PTPRT: variants seen among roughly 807,000 people sequenced by gnomAD.
PTPRT encodes protein tyrosine phosphatase receptor type T.
Under a neutral mutation model 176.8 loss-of-function variants are expected in PTPRT, and 56 were observed. The ratio of observed to expected loss-of-function variants is 0.32; its 90% CI spans 0.26 to 0.40. The LOEUF is 0.40. Ranked by LOEUF, PTPRT falls within the 10% of genes least tolerant of loss-of-function variation. The pLI is 1.00. For missense variants in PTPRT, 1,540 were observed against 1,908.2 expected, an observed-to-expected ratio of 0.81 and a Z score of 3.60; for synonymous variants, 783 against 739.0, an observed-to-expected ratio of 1.06 and a Z score of -0.96.
rs1982489151 is a variant in PTPRT, at chr20:42,073,524, T to A, written c.*7355A>T. 1 of 214,486 alleles carries A rather than the reference T, an allele frequency of 4.7e-6. No homozygotes were observed. Among genetic ancestry groups the A allele is most frequent in the African/African-American group, 2.2e-5 (1 of 44,454 alleles). 13.3% of individuals were successfully genotyped at this position (214,486 alleles called of 1,614,324 possible). On this transcript the variant is annotated 3_prime_UTR_variant, in exon 31 of 31. Coordinates refer to ENST00000373187, the MANE Select transcript of PTPRT (RefSeq NM_007050.6). ...GAAAAGCCCTGCTCTGTGTCCTACT[T>A]GGACCTTCACTGGTTCTGGCTGTCA...
At chr20:42,037,329 CT>C in the PTPRT span, among the ~76,000 whole-genome samples, 1 of 152,160 alleles carries the variant, frequency 6.6e-6, no homozygotes, top group African/African-American at 2.4e-5. Flanking sequence ...TGGAAGTTCC[CT>C]CTAGGCCCTT....
chr20:42,981,157 C>T (rs2146086176), intron 1 of PTPRT, among the ~76,000 whole-genome samples: 1 of 152,332 alleles, frequency 6.6e-6, no homozygotes, highest in East Asian at 1.9e-4. Flanking sequence ...ATAATATCTT[C>T]CTTGCCTGAT....
chr20:42,646,162 T>A (rs1262478083), intron 7 of PTPRT, among the ~76,000 whole-genome samples: 1 of 130,252 alleles, frequency 7.7e-6, no homozygotes, highest in Non-Finnish European at 1.6e-5. Context: ...GGCAATGCCC[T>A]CAACTGGTAG....
At chr20:42,502,684 A>G (rs2145421704) in intron 7 of PTPRT, among the ~76,000 whole-genome samples, 1 of 152,186 alleles carries the variant, frequency 6.6e-6, no homozygotes, top group South Asian at 2.1e-4. Flanking sequence ...CAATTTACTC[A>G]TCAATTCTCC....
At chr20:42,587,435 C>T (rs1291799505) in intron 7 of PTPRT, among the ~76,000 whole-genome samples, 2 of 152,212 alleles carry the variant, frequency 1.3e-5, no homozygotes, top group Non-Finnish European at 2.9e-5. Context: ...TATCTTGACC[C>T]AAGGCAGAGC....
intron 7 of PTPRT, among the ~76,000 whole-genome samples, chr20:42,612,286 G>A (rs140269981): frequency 2.6e-5 from 4 of 152,244 alleles, no homozygotes; most frequent in South Asian, 2.1e-4. Context: ...CACATCCACC[G>A]AGCTTTTCAT....
At chr20:42,896,798 C>T (rs1297116160) in intron 1 of PTPRT, among the ~76,000 whole-genome samples, 1 of 152,064 alleles carries the variant, frequency 6.6e-6, no homozygotes, top group Non-Finnish European at 1.5e-5. Flanking sequence ...CCTCAACCCC[C>T]AAATCATGGA....
intron 6 of PTPRT, among the ~76,000 whole-genome samples, chr20:42,683,271 T>TTTTTGTTTTGTTTTATTTTG (rs2075634875): frequency 6.7e-6 from 1 of 149,280 alleles, no homozygotes; most frequent in Admixed American, 6.7e-5. Context: ...TTACTTGTTT[T>TTTTTGTTTTGTTTTATTTTG]TTTTGTTTTG....
At chr20:43,134,894 A>T (rs1275602315) in intron 1 of PTPRT, among the ~76,000 whole-genome samples, 2 of 152,184 alleles carry the variant, frequency 1.3e-5, no homozygotes, top group Non-Finnish European at 2.9e-5. Context: ...GGGCCAGACA[A>T]TTCTTTGACG....
chr20:42,790,718 T>C (rs1490621652), intron 3 of PTPRT, among the ~76,000 whole-genome samples: 1 of 152,148 alleles, frequency 6.6e-6, no homozygotes, highest in Non-Finnish European at 1.5e-5. Context: ...AATAAATTTG[T>C]ATTCATTCTT....
the PTPRT span, among the ~76,000 whole-genome samples, chr20:42,037,217 G>T: frequency 2.8e-3 from 427 of 152,336 alleles, no homozygotes; most frequent in African/African-American, 9.8e-3. Flanking sequence ...ACTTTTGTCT[G>T]TAGACAGAAA....
At chr20:42,392,715 C>T (rs2058811803) in intron 9 of PTPRT, among the ~76,000 whole-genome samples, 1 of 152,164 alleles carries the variant, frequency 6.6e-6, no homozygotes, top group Non-Finnish European at 1.5e-5. Flanking sequence ...GAGTATCATC[C>T]ATATGCAAGA....
chr20:42,732,766 A>G (rs1296968294), intron 6 of PTPRT, among the ~76,000 whole-genome samples: 8 of 152,278 alleles, frequency 5.3e-5, no homozygotes, highest in African/African-American at 1.9e-4. Flanking sequence ...TATTTGCCTC[A>G]GGGCCCAGAA....
At chr20:42,091,780 A>G (rs1600485600) in intron 27 of PTPRT, among the ~76,000 whole-genome samples, 1 of 151,428 alleles carries the variant, frequency 6.6e-6, no homozygotes, top group Middle Eastern at 3.4e-3. Flanking sequence ...AGACAGGGAC[A>G]GAGGGAGAAA....
At chr20:42,572,280 T>C (rs2145691542) in intron 7 of PTPRT, among the ~76,000 whole-genome samples, 1 of 152,300 alleles carries the variant, frequency 6.6e-6, no homozygotes, top group East Asian at 1.9e-4. Context: ...GATATGAACT[T>C]TGGGGTGGAC....
intron 16 of PTPRT, among the ~76,000 whole-genome samples, chr20:42,184,541 C>CCTTCTTCT (rs1990660319): frequency 1.1e-5 from 1 of 91,546 alleles, no homozygotes; most frequent in Non-Finnish European, 2.1e-5. Flanking sequence ...CTTCCTCTTC[C>CCTTCTTCT]TCTTCTTCTT....
intron 1 of PTPRT, among the ~76,000 whole-genome samples, chr20:42,988,275 C>T (rs2146101554): frequency 6.6e-6 from 1 of 152,210 alleles, no homozygotes; most frequent in East Asian, 1.9e-4. Context: ...TCCTTGTCTA[C>T]AAAACCTAGG....
intron 7 of PTPRT, among the ~76,000 whole-genome samples, chr20:42,512,369 C>A (rs1156362719): frequency 6.6e-6 from 1 of 152,140 alleles, no homozygotes; most frequent in Non-Finnish European, 1.5e-5. Flanking sequence ...TTGAGAACAT[C>A]ACGTAAGTGG....
intron 2 of PTPRT, among the ~76,000 whole-genome samples, chr20:42,803,603 G>A (rs2077562317): frequency 6.6e-6 from 1 of 152,152 alleles, no homozygotes; most frequent in Non-Finnish European, 1.5e-5. Flanking sequence ...GCCCAGGATG[G>A]AGTACAGTGG....
Sources: allele counts gnomAD v4.1 joint callset (sites outside exome capture counted in the v4.1 genomes callset), GRCh38; gene constraint gnomAD v4.1.1; transcripts MANE v1.5; gene names NCBI Gene and HGNC (gene_info 2026-07-23, HGNC 2026-07-21).